Variants in SPDYE18 observed in about 807,000 individuals in gnomAD.
SPDYE18 encodes the protein speedy protein E18.
In SPDYE18, 6 loss-of-function variants were observed where a neutral mutation model predicts 44.9. The ratio of observed to expected loss-of-function variants is 0.13; its 90% CI spans 0.07 to 0.26. SPDYE18 has a LOEUF of 0.26. SPDYE18 is among the 10% of genes least tolerant of loss of function. The probability of loss-of-function intolerance (pLI) is 1.00; values close to 1 mark genes in which losing one functional copy is unlikely to be tolerated. For missense variants in SPDYE18, 121 were observed against 463.2 expected (o/e 0.26, Z 6.78); for synonymous variants, 35 against 177.1 (o/e 0.20, Z 6.37).
At chr7:77,052,211 C>G (rs1231276551) in intron 8 of SPDYE18, among the ~76,000 whole-genome samples, 7 of 149,666 alleles carry the variant, frequency 4.7e-5, no homozygotes, top group South Asian at 2.2e-4. Context: ...TTTTGTGTCA[C>G]TTAAGATCTA....
chr7:77,055,498 A>G (rs2117318448), intron 5 of SPDYE18, among the ~76,000 whole-genome samples, 177 bp from the exon 6 acceptor site: 1 of 144,320 alleles, frequency 6.9e-6, no homozygotes, highest in African/African-American at 2.5e-5. Context: ...GGTCGGATGC[A>G]AATCTGAGAA....
In SPDYE18 at chr7:77,060,847, C is replaced by A. The variant is rs559770517; in HGVS notation, c.-335G>T. 6.6e-6 allele frequency among the ~76,000 whole-genome samples: 1 copy of A among 151,550 alleles called. No homozygotes were observed. Among genetic ancestry groups the A allele is most frequent in the Non-Finnish European group, 1.5e-5 (1 of 67,948 alleles). On this transcript the variant is annotated 5_prime_UTR_variant, in exon 2 of 9. Coordinates refer to ENST00000510091, the MANE Select transcript of SPDYE18 (RefSeq NM_001394953.1). ...GACTCCACATCCCTGTGTTCCCTGT[C>A]CCAGCAGAGGCTGTGTCCTCTCCAC... is the stretch of plus-strand genomic sequence containing the variant.
In SPDYE18 at chr7:77,053,191, A is replaced by G. The variant is rs1167661857; in HGVS notation, c.768T>C (p.Asn256=). The G allele has an allele frequency of 3.1e-6, 5 of 1,613,456 alleles. No individual in the cohort carries two copies. In the African/African-American group the frequency reaches 5.3e-5, roughly 17 times the overall value. Residue 256 remains asparagine, a synonymous_variant, in exon 7 of 9, where the codon AAT becomes AAC. Transcript: ENST00000510091. ...GGTCCTCGTCGTCCTCCTCCATGTC[A>G]TTGGCCAGGTAGCTGAGGACAGAAA... ...IHFFLALYLA[N]DMEEDDEDPK...
At chr7:77,054,050 C>T (rs1368371353) in intron 6 of SPDYE18, among the ~76,000 whole-genome samples, 2 of 152,094 alleles carry the variant, frequency 1.3e-5, no homozygotes, top group Admixed American at 6.6e-5. Context: ...TTTGCCAGGA[C>T]CCTGCCTTCT....
At chr7:77,060,246 C>T (rs1789999229) in intron 2 of SPDYE18, 107 bp downstream of exon 2, 1 of 1,498,832 alleles carries the variant, frequency 6.7e-7, no homozygotes, top group Admixed American at 2.1e-5. Context: ...ATTCGCCCGC[C>T]TCGGCCTCCC....
rs1790002441 is a variant in SPDYE18, at chr7:77,060,400, C to G, written c.113G>C (p.Gly38Ala). 3 of 1,535,562 alleles carry G rather than the reference C, an allele frequency of 2.0e-6. No homozygotes were observed. In the South Asian group the frequency reaches 3.6e-5, roughly 18 times the overall value. ...NEQSLQRSTS[G>A]YPLQEVVDDE... ...ATCCACCACCTCCTGGAGGGGGTAC[C>G]CCGAGGTGCTCCGCTGGAGACTCTG... Residue 38 changes from glycine to alanine, a missense_variant, in exon 2 of 9, where the codon GGG (glycine) becomes GCG (alanine). Gly to Ala is a moderately conservative substitution (Grantham distance 60, BLOSUM62 0). Coordinates refer to ENST00000510091, the MANE Select transcript of SPDYE18 (RefSeq NM_001394953.1).
At chr7:77,059,921 A>G (rs71250729) in intron 2 of SPDYE18, among the ~76,000 whole-genome samples, 30 of 147,394 alleles carry the variant, frequency 2.0e-4, no homozygotes, top group African/African-American at 6.8e-4. Flanking sequence ...AAGTTCTGGG[A>G]TTACAGGTGT....
chr7:77,061,055 C>CGTGCAAGAGTGAGATTATCAT (rs1790014835), intron 1 of SPDYE18, among the ~76,000 whole-genome samples, 122 bp from the exon 2 acceptor site: 4 of 61,506 alleles, frequency 6.5e-5, no homozygotes, highest in Non-Finnish European at 9.0e-5. Flanking sequence ...GAGATTATCA[C>CGTGCAAGAGTGAGATTATCAT]GTACAAGAGT....
At chr7:77,059,700 AGTGTAGTG>A (rs1789989384) in intron 2 of SPDYE18, among the ~76,000 whole-genome samples, 1 of 150,020 alleles carries the variant, frequency 6.7e-6, no homozygotes, top group Non-Finnish European at 1.5e-5. Context: ...CCCAGGCTGG[AGTGTAGTG>A]GTGCAATCTC....
chr7:77,060,993 T>C (rs1790012741), intron 1 of SPDYE18, among the ~76,000 whole-genome samples, 60 bp from the exon 2 acceptor site: 1 of 120,372 alleles, frequency 8.3e-6, no homozygotes, highest in African/African-American at 2.8e-5. Flanking sequence ...TGATGAAACC[T>C]TATAAGAGTG....
chr7:77,060,292 C>T (rs3972484), intron 2 of SPDYE18, 61 bp downstream of exon 2: 1,046,967 of 1,530,156 alleles, frequency 0.68, 363,544 homozygotes, highest in African/African-American at 0.92. Context: ...CCACCGCACC[C>T]GGCCCCCTTC....
chr7:77,060,223 C>G (rs1789998682), intron 2 of SPDYE18, 130 bp downstream of exon 2: 1 of 1,469,584 alleles, frequency 6.8e-7, no homozygotes, highest in East Asian at 2.5e-5. Context: ...CCTTGAACTC[C>G]TGACCTCAGG....
intron 8 of SPDYE18, among the ~76,000 whole-genome samples, chr7:77,052,131 TGGG>T (rs1364749383): frequency 1.4e-5 from 2 of 141,776 alleles, no homozygotes; most frequent in Non-Finnish European, 3.0e-5. Context: ...GCAAGGACTT[TGGG>T]TGGGTCTGCC....
Position 77,060,833 on chromosome 7 carries a change from C to T in SPDYE18, c.-321G>A, listed in dbSNP as rs1205624306. Among the ~76,000 whole-genome samples the T allele has an allele frequency of 1.3e-5, 2 of 151,304 alleles. No homozygotes were observed. Among genetic ancestry groups the T allele is most frequent in the East Asian group, 3.9e-4 (2 of 5,142 alleles). On this transcript the variant is annotated 5_prime_UTR_variant, in exon 2 of 9. Transcript: ENST00000510091. Reference sequence around the variant, plus strand: ...AAAGCATCTTCAGGGACTCCACATCCCTGTGTTCCCTGTCCCAGCAGAGGC... The same window carrying T: ...AAAGCATCTTCAGGGACTCCACATCTCTGTGTTCCCTGTCCCAGCAGAGGC...
intron 2 of SPDYE18, among the ~76,000 whole-genome samples, chr7:77,059,803 T>C (rs970240117): frequency 2.0e-5 from 3 of 147,156 alleles, no homozygotes; most frequent in African/African-American, 7.5e-5. Context: ...GTGCCTGCCA[T>C]AATGCCCAGC....
rs564593297 is a variant in SPDYE18 at position 77,062,511 on chromosome 7, C to G, written c.-437G>C. Among the ~76,000 whole-genome samples, 2 of 152,310 alleles carry G rather than the reference C, an allele frequency of 1.3e-5. No individual in the cohort carries two copies. The highest frequency in any genetic ancestry group is 2.9e-5 in the Non-Finnish European group (2 of 68,024). On this transcript the variant is annotated 5_prime_UTR_variant, in exon 1 of 9. Transcript: ENST00000510091. ...GGCTGGTCACCTGCATTTCCCCTCC[C>G]TGCACAAAGTCCTGGGCCCAGATCT... is the stretch of plus-strand genomic sequence containing the variant.
At chr7:77,052,933 T>C in intron 7 of SPDYE18, 27 bp downstream of exon 7, 2 of 1,581,898 alleles carry the variant, frequency 1.3e-6, no homozygotes, top group African/African-American at 2.7e-5. Flanking sequence ...CCTCCCCACC[T>C]CCTCCACCTC....
In SPDYE18 at chr7:77,058,547, C is replaced by A. The variant is rs571537315; in HGVS notation, c.379+633G>T. On this transcript the variant is annotated intron_variant, in intron 3 of 8. Coordinates refer to ENST00000510091, the MANE Select transcript of SPDYE18 (RefSeq NM_001394953.1). ...TTTGAGACAGCGTCTCACTCTCTCA[C>A]CCAGAATGGAATGCAGTGGCGCTAT... 7.0e-3 allele frequency among the ~76,000 whole-genome samples: 992 copies of A among 141,360 alleles called. 1 individual carries two copies. Among genetic ancestry groups the A allele is most frequent in the African/African-American group, 0.024 (944 of 38,892 alleles). 92.7% of individuals were successfully genotyped at this position (141,360 alleles called of 152,430 possible). A position where few individuals can be genotyped will look rare whatever the true frequency, so the allele number is the denominator to read the frequency against.
chr7:77,058,872 A>T (rs1032568384), intron 3 of SPDYE18, among the ~76,000 whole-genome samples: 2 of 152,064 alleles, frequency 1.3e-5, no homozygotes, highest in Non-Finnish European at 2.9e-5. Context: ...AGCTCACTGC[A>T]GCCTCAAAGT....
Sources: gnomAD v4.1 joint callset for allele counts (sites outside exome capture counted in the v4.1 genomes callset) on GRCh38, gnomAD v4.1.1 for gene constraint, MANE v1.5 for transcripts, NCBI Gene and HGNC (gene_info 2026-07-23, HGNC 2026-07-21) for gene names.